The following CUX2 variants were observed in gnomAD, a reference collection of about 807,000 sequenced individuals.
CUX2 encodes homeobox protein cut-like 2.
A neutral mutation model predicts 144.8 loss-of-function variants in CUX2; 40 were observed. That is an observed-to-expected ratio of 0.28 (90% CI 0.21 to 0.36). The LOEUF (loss-of-function observed/expected upper bound fraction) is 0.36. Among genes scored for constraint, CUX2 ranks in the 10% least tolerant of loss-of-function variants. CUX2 has a pLI of 1.00. For synonymous variants in CUX2, 827 were observed against 875.6 expected (o/e 0.94, Z 0.98); for missense variants, 1,615 against 1,994.0 (o/e 0.81, Z 3.62).
At chr12:111,154,799 GTCTC>G (rs1257949504) in intron 1 of CUX2, among the ~76,000 whole-genome samples, 1 of 152,202 alleles carries the variant, frequency 6.6e-6, no homozygotes, top group Non-Finnish European at 1.5e-5. Context: ...TAGGACAAAA[GTCTC>G]CATGAAAAAG....
Position 111,312,147 on chromosome 12 carries a change from G to A in CUX2, c.1948G>A (p.Ala650Thr), listed in dbSNP as rs777161027. The A allele has an allele frequency of 6.8e-6, 11 of 1,612,086 alleles. No homozygotes were observed. Among genetic ancestry groups the A allele is most frequent in the Non-Finnish European group, 9.3e-6 (11 of 1,178,732 alleles). Reference sequence around the variant, plus strand: ...CACGCCTGAGACAGGCTCAGACGACGCCATCAAGAGCATTCTAGAGCAGGC... The same window carrying A: ...CACGCCTGAGACAGGCTCAGACGACACCATCAAGAGCATTCTAGAGCAGGC... ...IRTPETGSDD[A>T]IKSILEQAKK... The change falls in exon 16 of 22, where the codon GCC (alanine) becomes ACC (threonine). Residue 650 changes from alanine (A) to threonine (T), a missense_variant. Transcript: ENST00000261726. The surrounding 1 kb of genome is among the most constrained non-coding windows in gnomAD (Gnocchi z 4.3).
At chr12:111,180,647 C>T (rs1879107465) in intron 1 of CUX2, among the ~76,000 whole-genome samples, 1 of 152,226 alleles carries the variant, frequency 6.6e-6, no homozygotes, top group African/African-American at 2.4e-5. Context: ...CAAAGGGCCT[C>T]TGAGGATCTG....
intron 1 of CUX2, among the ~76,000 whole-genome samples, chr12:111,136,545 G>A (rs919680080): frequency 6.6e-6 from 1 of 152,326 alleles, no homozygotes; most frequent in Non-Finnish European, 1.5e-5. Flanking sequence ...TTTGTGTCAA[G>A]AAATAAAATG....
chr12:111,138,036 G>A (rs1216308236), intron 1 of CUX2, among the ~76,000 whole-genome samples: 1 of 152,222 alleles, frequency 6.6e-6, no homozygotes, highest in Non-Finnish European at 1.5e-5. Flanking sequence ...GACGGCTCTA[G>A]CCTGGACTGC....
At chr12:111,114,798 A>G (rs1016653797) in intron 1 of CUX2, among the ~76,000 whole-genome samples, 1 of 152,152 alleles carries the variant, frequency 6.6e-6, no homozygotes. Context: ...TTTAGCATTT[A>G]TGTTTGGGTT....
At chr12:111,269,659 C>T (rs1231348469) in intron 4 of CUX2, among the ~76,000 whole-genome samples, 1 of 152,098 alleles carries the variant, frequency 6.6e-6, no homozygotes, top group African/African-American at 2.4e-5. Flanking sequence ...GGAAACGAGC[C>T]CTCATTTTGG....
intron 1 of CUX2, among the ~76,000 whole-genome samples, chr12:111,042,423 G>A (rs535354748): frequency 6.6e-6 from 1 of 152,220 alleles, no homozygotes; most frequent in East Asian, 1.9e-4. Context: ...AGGGGATGTG[G>A]TGTGAGCTGC....
At chr12:111,337,476 C>T (rs919990337) in intron 19 of CUX2, among the ~76,000 whole-genome samples, 14 of 152,174 alleles carry the variant, frequency 9.2e-5, no homozygotes, top group Admixed American at 2.6e-4. Context: ...GCCATGGATG[C>T]GCCACAGTTT....
intron 3 of CUX2, among the ~76,000 whole-genome samples, chr12:111,226,770 G>C (rs190689592): frequency 1.4e-3 from 209 of 152,302 alleles, no homozygotes; most frequent in Non-Finnish European, 9.4e-4. Flanking sequence ...ATGGGCTGGC[G>C]TCTGGGCCGG....
chr12:111,297,278 T>A (rs1368073764), intron 8 of CUX2, among the ~76,000 whole-genome samples: 1 of 152,178 alleles, frequency 6.6e-6, no homozygotes, highest in African/African-American at 2.4e-5. Flanking sequence ...CTTCTGATCC[T>A]CCAGGACTTA....
chr12:111,326,451 G>A (rs1322536480), intron 18 of CUX2, among the ~76,000 whole-genome samples: 1 of 151,178 alleles, frequency 6.6e-6, no homozygotes, highest in Non-Finnish European at 1.5e-5. Context: ...GTCTTGTGGT[G>A]GGGTAGGGGT....
At position 111,214,303 on chromosome 12, in the gene CUX2, T is replaced by G; in HGVS notation, c.167T>G (p.Val56Gly). ...IELRREFKKN[V>G]PEEIREMVAP... is the part of the protein sequence containing the mutation. ...CTCCGCCGGGAATTTAAGAAAAATGTACCTGAGGTATGGTATATTTGCCGT... is the reference window on the plus strand; with the variant it reads ...CTCCGCCGGGAATTTAAGAAAAATGGACCTGAGGTATGGTATATTTGCCGT... Residue 56 changes from valine to glycine, a missense_variant, in exon 2 of 22, where the codon GTA (valine) becomes GGA (glycine). Val to Gly is a moderately radical substitution (Grantham distance 109). Coordinates refer to ENST00000261726, the MANE Select transcript of CUX2 (RefSeq NM_015267.4). 1 of 1,569,838 alleles carries G rather than the reference T, an allele frequency of 6.4e-7. No individual in the cohort carries two copies. Among genetic ancestry groups the G allele is most frequent in the Non-Finnish European group, 8.7e-7 (1 of 1,145,154 alleles).
rs114922003 is a variant in CUX2, at chr12:111,312,063, T to C, written c.1901-37T>C. 1,534 of 1,580,990 alleles carry C rather than the reference T, an allele frequency of 9.7e-4. 13 individuals carry two copies. In the African/African-American group the frequency reaches 0.019, roughly 19 times the overall value. ...CAGGCTCCGGAGACTGAGCCCAACA[T>C]GCAGATCCTGCCACAGATGCCTTCT... is the stretch of plus-strand genomic sequence containing the variant. On this transcript the variant is annotated intron_variant, in intron 15 of 21. Transcript: ENST00000261726. This position sits in a 1 kb window ranked among gnomAD's most constrained non-coding sequence, Gnocchi z 4.3.
chr12:111,218,236 G>A (rs959581170), intron 3 of CUX2, among the ~76,000 whole-genome samples: 4 of 152,178 alleles, frequency 2.6e-5, no homozygotes, highest in East Asian at 1.9e-4. Flanking sequence ...ACCTTGGGGC[G>A]TACACAGTGG....
intron 1 of CUX2, among the ~76,000 whole-genome samples, chr12:111,072,487 A>T (rs1030487860): frequency 6.6e-6 from 1 of 152,136 alleles, no homozygotes; most frequent in Non-Finnish European, 1.5e-5. Flanking sequence ...CTCCATCACA[A>T]TACAGTGCTG....
At chr12:111,241,319 C>T (rs576406325) in intron 3 of CUX2, among the ~76,000 whole-genome samples, 1 of 152,324 alleles carries the variant, frequency 6.6e-6, no homozygotes, top group South Asian at 2.1e-4. Flanking sequence ...TAGGCCCCGA[C>T]TCCCAATACT....
rs114388544 is a variant in CUX2, at chr12:111,139,984, G to A, written c.64-74216G>A. Among the ~76,000 whole-genome samples the A allele has an allele frequency of 4.7e-3, 712 of 152,276 alleles. 4 individuals are homozygous for A. The highest frequency in any genetic ancestry group is 0.016 in the African/African-American group (666 of 41,560). On this transcript the variant is annotated intron_variant, in intron 1 of 21. Coordinates refer to ENST00000261726, the MANE Select transcript of CUX2 (RefSeq NM_015267.4). ...CCCCCATCACCTGGTCTGTGAAATG[G>A]GGATATAAATGAGGGTGGTTAGGAG...
At chr12:111,038,419 C>T (rs1869565834) in intron 1 of CUX2, among the ~76,000 whole-genome samples, 1 of 152,174 alleles carries the variant, frequency 6.6e-6, no homozygotes, top group Non-Finnish European at 1.5e-5. Flanking sequence ...AGGTGGGGAG[C>T]GTGAGCCCGC....
At chr12:111,318,493 A>C (rs940162565) in intron 16 of CUX2, among the ~76,000 whole-genome samples, 3 of 151,012 alleles carry the variant, frequency 2.0e-5, no homozygotes, top group African/African-American at 7.3e-5. Flanking sequence ...AGGCAGGAGA[A>C]CCACTTGAGC....
Sources: allele counts gnomAD v4.1 joint callset (sites outside exome capture counted in the v4.1 genomes callset), GRCh38; gene constraint gnomAD v4.1.1; non-coding constraint Gnocchi (gnomAD v3.1); transcripts MANE v1.5; gene names NCBI Gene and HGNC (gene_info 2026-07-23, HGNC 2026-07-21).